Variants in PCDHA9 observed in about 807,000 individuals in gnomAD.
The protein encoded by PCDHA9 is protocadherin alpha-9.
A neutral mutation model predicts 62.0 loss-of-function variants in PCDHA9; 62 were observed. The observed-to-expected ratio is 1.00, with a 90% confidence interval of 0.81 to 1.23. PCDHA9 has a LOEUF of 1.23. Among genes scored for constraint, PCDHA9 ranks in the 50% most tolerant of loss-of-function variants. The pLI is 0.00. For synonymous variants in PCDHA9, 557 were observed against 567.6 expected (o/e 0.98, Z 0.27); for missense variants, 1,205 against 1,249.8 (o/e 0.96, Z 0.54).
chr5:140,987,462 A>C (rs2097255249), intron 3 of PCDHA9, among the ~76,000 whole-genome samples: 1 of 152,154 alleles, frequency 6.6e-6, no homozygotes, highest in African/African-American at 2.4e-5. Flanking sequence ...AATTGTTAAG[A>C]GCTCAAGCTT....
chr5:140,968,866 A>C, intron 1 of PCDHA9: 1 of 1,614,230 alleles, frequency 6.2e-7, no homozygotes, highest in Non-Finnish European at 8.5e-7. Context: ...GCCCTCGGAC[A>C]TACTCTGAAA....
At chr5:140,922,072 A>C (rs1390677282) in intron 1 of PCDHA9, among the ~76,000 whole-genome samples, 1 of 152,198 alleles carries the variant, frequency 6.6e-6, no homozygotes, top group East Asian at 1.9e-4. Context: ...AATCCCACTA[A>C]GCAAAAAGTG....
At chr5:140,911,659 T>G (rs2075588861) in intron 1 of PCDHA9, among the ~76,000 whole-genome samples, 1 of 152,142 alleles carries the variant, frequency 6.6e-6, no homozygotes, top group African/African-American at 2.4e-5. Flanking sequence ...GTTACTAAAC[T>G]CCTTGCCTCT....
chr5:140,999,693 AT>A (rs202183337), intron 3 of PCDHA9, among the ~76,000 whole-genome samples: 13 of 151,522 alleles, frequency 8.6e-5, no homozygotes, highest in African/African-American at 2.4e-4. Flanking sequence ...AAGAAATGTG[AT>A]TTTTTTTTAG....
chr5:140,928,892 T>C, intron 1 of PCDHA9: 1 of 1,614,198 alleles, frequency 6.2e-7, no homozygotes, highest in Non-Finnish European at 8.5e-7. Flanking sequence ...CTTCCAGACT[T>C]TGAAGATGTC....
At chr5:140,860,679 T>C (rs1465789150) in intron 1 of PCDHA9, 1 of 152,238 alleles carries the variant, frequency 6.6e-6, no homozygotes, top group Non-Finnish European at 1.5e-5. Flanking sequence ...AATGCACTTA[T>C]GTTTTGAGCG....
At chr5:140,948,897 T>G (rs1487067374) in intron 1 of PCDHA9, among the ~76,000 whole-genome samples, 4 of 151,680 alleles carry the variant, frequency 2.6e-5, no homozygotes, top group Non-Finnish European at 5.9e-5. Flanking sequence ...AGATTTTAAG[T>G]GGATTCTTAG....
chr5:140,926,713 C>T (rs1018008271), intron 1 of PCDHA9: 2 of 944,684 alleles, frequency 2.1e-6, no homozygotes, highest in Non-Finnish European at 2.9e-6. Context: ...CTGGCCAGCC[C>T]CGGCAATGCC....
At chr5:140,886,654 T>C (rs2061065769) in intron 1 of PCDHA9, among the ~76,000 whole-genome samples, 1 of 151,782 alleles carries the variant, frequency 6.6e-6, no homozygotes, top group African/African-American at 2.4e-5. Context: ...GGTGAAACCC[T>C]GTCTCTACTA....
chr5:140,967,976 C>T (rs2096205972), intron 1 of PCDHA9: 3 of 1,614,222 alleles, frequency 1.9e-6, no homozygotes, highest in Non-Finnish European at 2.5e-6. Context: ...GAGCCTGGGT[C>T]TGGAGGCCAC....
At chr5:140,882,228 T>G in intron 1 of PCDHA9, 1 of 1,564,682 alleles carries the variant, frequency 6.4e-7, no homozygotes, top group Non-Finnish European at 8.7e-7. Context: ...GGTAAGGCGT[T>G]GTATATATTG....
In PCDHA9 at chr5:140,977,999, G is replaced by A. The variant is rs1185111218; in HGVS notation, c.2395-950G>A. Among the ~76,000 whole-genome samples the A allele has an allele frequency of 1.3e-5, 2 of 152,132 alleles. 1 individual carries two copies. The highest frequency in any genetic ancestry group is 4.8e-5 in the African/African-American group (2 of 41,406). ...AAACGCATCTAGAGGAGTGTCACAA[G>A]TTTTTCACAGTGACATTTTTGCTTA... On this transcript the variant is annotated intron_variant, in intron 1 of 3. Coordinates refer to ENST00000532602, the MANE Select transcript of PCDHA9 (RefSeq NM_031857.2).
intron 1 of PCDHA9, 137 bp downstream of exon 1, chr5:140,851,026 C>A (rs1554145197): frequency 2.8e-6 from 4 of 1,416,346 alleles, no homozygotes; most frequent in Admixed American, 5.4e-5. Flanking sequence ...ATAAAGTAAA[C>A]CCCTTAACAT....
chr5:140,995,893 A>T (rs1038677586), intron 3 of PCDHA9, among the ~76,000 whole-genome samples: 1 of 152,182 alleles, frequency 6.6e-6, no homozygotes, highest in Non-Finnish European at 1.5e-5. Flanking sequence ...AGATTTATCA[A>T]TGTATAAAAG....
Position 141,009,935 on chromosome 5 carries a change from T to TGAG in PCDHA9, c.2853_*2dup. Reference sequence around the variant, plus strand: ...CAGCACGACTGACAACAGTGACCAGTGAGGTCCTCAAATGGAAACAAGCCA... The same window carrying TGAG: ...CAGCACGACTGACAACAGTGACCAGTGAGGAGGTCCTCAAATGGAAACAAGCCA... On this transcript the variant is annotated inframe_insertion and stop_retained_variant, in exon 4 of 4. Transcript: ENST00000532602. 6.2e-7 allele frequency: 1 copy of TGAG among 1,602,418 alleles called. No individual in the cohort carries two copies. The highest frequency in any genetic ancestry group is 8.5e-7 in the Non-Finnish European group (1 of 1,176,054).
intron 1 of PCDHA9, chr5:140,876,935 C>T (rs1554169119): frequency 6.2e-7 from 1 of 1,613,746 alleles, no homozygotes; most frequent in Non-Finnish European, 8.5e-7. Context: ...CAGAAGAACG[C>T]GCTGGTGTCC....
At chr5:140,856,833 G>A (rs1554149194) in intron 1 of PCDHA9, 3 of 1,591,548 alleles carry the variant, frequency 1.9e-6, no homozygotes, top group African/African-American at 2.7e-5. Flanking sequence ...TTAGTAATAC[G>A]GCTCAACGCT....
chr5:140,857,988 T>C lies in PCDHA9; in HGVS notation c.2394+7099T>C, dbSNP rs370495338. 30 of 1,596,780 alleles carry C rather than the reference T, an allele frequency of 1.9e-5. 3 individuals carry two copies. In the African/African-American group the frequency reaches 2.3e-4, roughly 12 times the overall value. On this transcript the variant is annotated intron_variant, in intron 1 of 3. Coordinates refer to ENST00000532602, the MANE Select transcript of PCDHA9 (RefSeq NM_031857.2). Reference sequence around the variant, plus strand: ...ACTGACTCGCCACGCCAGCGCCTACTGGTGCTGGTGAAGGACCATGGCGAG... The same window carrying C: ...ACTGACTCGCCACGCCAGCGCCTACCGGTGCTGGTGAAGGACCATGGCGAG...
chr5:141,006,948 A>G (rs1432589918), intron 3 of PCDHA9, among the ~76,000 whole-genome samples: 3 of 152,194 alleles, frequency 2.0e-5, no homozygotes, highest in African/African-American at 7.2e-5. Flanking sequence ...CCAGATAGGC[A>G]GTTATACATG....
Sources: allele counts gnomAD v4.1 joint callset (sites outside exome capture counted in the v4.1 genomes callset), GRCh38; gene constraint gnomAD v4.1.1; transcripts MANE v1.5; gene names NCBI Gene and HGNC (gene_info 2026-07-23, HGNC 2026-07-21).